Variants in XBP1 observed in about 807,000 individuals in gnomAD.
XBP1 encodes X-box-binding protein 1.
XBP1 carries 18 observed loss-of-function variants against 34.6 expected under a neutral mutation model. The ratio of observed to expected loss-of-function variants is 0.52; its 90% CI spans 0.36 to 0.77. The LOEUF (loss-of-function observed/expected upper bound fraction) is 0.77. Among genes scored for constraint, XBP1 ranks in the 30% least tolerant of loss-of-function variants. The pLI is 0.00. For missense variants in XBP1, 422 were observed against 464.6 expected, an observed-to-expected ratio of 0.91 and a Z score of 0.84; for synonymous variants, 191 against 193.4, an observed-to-expected ratio of 0.99 and a Z score of 0.11.
intron 5 of XBP1, 126 bp downstream of exon 5, chr22:28,795,921 G>C: frequency 7.5e-7 from 1 of 1,334,636 alleles, no homozygotes; most frequent in Admixed American, 1.8e-5. Flanking sequence ...GAAGGTAGTT[G>C]ATGTTCACCT....
chr22:28,797,118 C>A (rs146780960), exon 3 of XBP1: 1 of 1,612,996 alleles, frequency 6.2e-7, no homozygotes, highest in South Asian at 1.1e-5. Flanking sequence ...GCATCCATCC[C>A]CAAGCGCTGT....
intron 2 of XBP1, among the ~76,000 whole-genome samples, chr22:28,798,648 T>A (rs1157578675): frequency 7.0e-6 from 1 of 143,292 alleles, no homozygotes; most frequent in Non-Finnish European, 1.5e-5. Flanking sequence ...CTCACTCTGT[T>A]GCCCAGGCTG....
chr22:28,795,308 A>G, exon 6 of XBP1: 2 of 1,552,022 alleles, frequency 1.3e-6, no homozygotes, highest in Non-Finnish European at 1.7e-6. Flanking sequence ...GTAAGCATCC[A>G]GTAGGCAGGA....
In XBP1 at chr22:28,795,287, CCA is replaced by C; in HGVS notation, c.1017_1018del (p.Cys339TrpfsTer11). 5 of 1,551,930 alleles carry C rather than the reference CCA, an allele frequency of 3.2e-6. No homozygotes were observed. The highest frequency in any genetic ancestry group is 1.2e-5 in the South Asian group (1 of 84,048). Reference sequence around the variant, plus strand: ...GAATGGGGAAAGGGAACCCCCGTATCCACAGTCACTGTAAGCATCCAGTAGGC... The same window carrying C: ...GAATGGGGAAAGGGAACCCCCGTATCCAGTCACTGTAAGCATCCAGTAGGC... On this transcript the variant is annotated frameshift_variant, in exon 6 of 6. Coordinates refer to ENST00000344347, the Ensembl canonical transcript of XBP1. LOFTEE classifies it high-confidence loss of function.
At chr22:28,795,707 T>C (rs1370491268) in exon 6 of XBP1, 1 of 1,546,134 alleles carries the variant, frequency 6.5e-7, no homozygotes, top group Non-Finnish European at 8.7e-7. Flanking sequence ...GTCCAAGTTG[T>C]CCAGAATGCC....
intron 1 of XBP1, chr22:28,799,858 A>G: frequency 1.5e-6 from 1 of 678,110 alleles, no homozygotes; most frequent in Non-Finnish European, 2.7e-6. Context: ...ATACTGAGCT[A>G]GACCAGTGAG....
intron 3 of XBP1, 90 bp from the exon 4 acceptor site, chr22:28,796,282 C>A: frequency 7.6e-7 from 1 of 1,317,390 alleles, no homozygotes; most frequent in Non-Finnish European, 1.0e-6. Flanking sequence ...TAAAGAATTA[C>A]TTTTCAAAAA....
rs532944636 is a variant in XBP1 at position 28,797,076 on chromosome 22, C to T, written c.453+1G>A. The T allele has an allele frequency of 6.2e-7, 1 of 1,605,158 alleles. No homozygotes were observed. Among genetic ancestry groups the T allele is most frequent in the South Asian group, 1.1e-5 (1 of 89,832 alleles). ...GGCACCAAATAAAGGAGATGATTTA[C>T]CTTGGCTTCCGCCTCCTCTTCAGCA... On this transcript the variant is annotated splice_donor_variant, in intron 3 of 5. Transcript: ENST00000344347. LOFTEE classifies it high-confidence loss of function.
chr22:28,800,385 C>A, exon 1 of XBP1: 2 of 1,536,224 alleles, frequency 1.3e-6, no homozygotes. Context: ...TGCCTCCGGG[C>A]TGGCCCCTCT....
Position 28,800,511 on chromosome 22 carries a change from GCCA to G in XBP1, c.11_13del (p.Val4del), listed in dbSNP as rs756510371. On this transcript the variant is annotated inframe_deletion, in exon 1 of 6. Transcript: ENST00000344347. The stretch of plus-strand genomic sequence containing the variant: ...CCCGTCGGCCGGGTTCGGCGCGGCT[GCCA>G]CCACCACCATAGCTCCAGACTACGC... The G allele has an allele frequency of 6.1e-6, 9 of 1,487,536 alleles. No individual in the cohort carries two copies. In the Admixed American group the frequency reaches 1.2e-4, roughly 19 times the overall value. 92.1% of individuals were successfully genotyped at this position (1,487,536 alleles called of 1,614,324 possible).
chr22:28,799,102 A>T, exon 2 of XBP1: 1 of 1,614,054 alleles, frequency 6.2e-7, no homozygotes, highest in Middle Eastern at 1.6e-4. Flanking sequence ...CACTCATTCG[A>T]GCCTTCTTTC....
intron 2 of XBP1, 139 bp downstream of exon 2, chr22:28,798,918 G>C (rs1569204978): frequency 1.5e-6 from 1 of 668,356 alleles, no homozygotes. Context: ...ACCATGCCCA[G>C]CCTAGTTTAA....
At chr22:28,800,157 C>T (rs1006702298) in intron 1 of XBP1, 141 bp downstream of exon 1, 1 of 1,012,810 alleles carries the variant, frequency 9.9e-7, no homozygotes. Flanking sequence ...CCCCGCGCCA[C>T]GCTGGCACCG....
chr22:28,796,356 C>T, intron 3 of XBP1, 164 bp from the exon 4 acceptor site: 1 of 608,260 alleles, frequency 1.6e-6, no homozygotes, highest in East Asian at 3.4e-5. Flanking sequence ...TTGAGAAGAG[C>T]AAGATAAGAT....
exon 1 of XBP1, chr22:28,800,467 G>A (rs1436661994): frequency 2.0e-6 from 3 of 1,479,810 alleles, no homozygotes; most frequent in South Asian, 1.3e-5. Flanking sequence ...TGCCCCGACA[G>A]AAGCAGAACT....
intron 3 of XBP1, 166 bp downstream of exon 3, chr22:28,796,911 A>T: frequency 1.3e-6 from 1 of 749,642 alleles, no homozygotes; most frequent in Non-Finnish European, 2.0e-6. Flanking sequence ...ATGAGTGTCA[A>T]GTGCCTTTAG....
chr22:28,798,611 CTTT>C (rs35567823), intron 2 of XBP1, among the ~76,000 whole-genome samples: 2 of 141,246 alleles, frequency 1.4e-5, no homozygotes, highest in Non-Finnish European at 3.1e-5. Context: ...GCCCAGCAAA[CTTT>C]TTTTTTTTTT....
intron 2 of XBP1, 109 bp downstream of exon 2, chr22:28,798,948 T>C (rs1443677620): frequency 1.2e-5 from 10 of 831,412 alleles, no homozygotes; most frequent in Non-Finnish European, 1.7e-5. Flanking sequence ...ATATATTCAA[T>C]TGTATTCTAA....
chr22:28,795,561 C>T, exon 6 of XBP1: 1 of 1,614,172 alleles, frequency 6.2e-7, no homozygotes, highest in East Asian at 2.2e-5. Context: ...TCATTAATGG[C>T]TTCCAGCTTG....
Sources: gnomAD v4.1 joint callset for allele counts (sites outside exome capture counted in the v4.1 genomes callset) on GRCh38, gnomAD v4.1.1 for gene constraint, MANE v1.5 for transcripts, NCBI Gene and HGNC (gene_info 2026-07-23, HGNC 2026-07-21) for gene names.